The following CHRM3 variants were observed in gnomAD, a reference collection of about 807,000 sequenced individuals.
The protein encoded by CHRM3 is cholinergic receptor muscarinic 3, also known as muscarinic acetylcholine receptor M3.
CHRM3 carries 11 observed loss-of-function variants against 41.8 expected under a neutral mutation model. The observed-to-expected ratio is 0.26, with a 90% confidence interval of 0.17 to 0.44. CHRM3 has a LOEUF of 0.44. Among genes scored for constraint, CHRM3 ranks in the 20% least tolerant of loss-of-function variants. The pLI is 1.00. For synonymous variants in CHRM3, 297 were observed against 301.4 expected, an observed-to-expected ratio of 0.99 and a Z score of 0.15; for missense variants, 571 against 745.4, an observed-to-expected ratio of 0.77 and a Z score of 2.72.
intron 1 of CHRM3, among the ~76,000 whole-genome samples, chr1:239,418,177 G>A (rs1044060687): frequency 2.0e-5 from 3 of 152,190 alleles, no homozygotes; most frequent in African/African-American, 7.2e-5. Context: ...ATAGCATGTG[G>A]CCTTCTGAAG....
intron 5 of CHRM3, among the ~76,000 whole-genome samples, chr1:239,753,454 T>C (rs1176546097): frequency 6.6e-6 from 1 of 152,124 alleles, no homozygotes; most frequent in Non-Finnish European, 1.5e-5. Flanking sequence ...GAAGCCGGTA[T>C]GTATTCACAT....
intron 1 of CHRM3, among the ~76,000 whole-genome samples, chr1:239,467,904 C>G (rs182743756): frequency 7.4e-6 from 1 of 134,680 alleles, no homozygotes; most frequent in African/African-American, 3.2e-5. Context: ...TCCCTACCCC[C>G]CCCCAACGTT....
chr1:239,825,316 T>A (rs990800013), intron 5 of CHRM3, among the ~76,000 whole-genome samples: 1 of 152,224 alleles, frequency 6.6e-6, no homozygotes, highest in African/African-American at 2.4e-5. Flanking sequence ...ATTTCTCAAC[T>A]TTTATGATGA....
At chr1:239,839,451 T>C (rs1234165148) in intron 6 of CHRM3, among the ~76,000 whole-genome samples, 1 of 152,194 alleles carries the variant, frequency 6.6e-6, no homozygotes, top group African/African-American at 2.4e-5. Context: ...TAAATGAAAG[T>C]ATGGGATATA....
At chr1:239,774,189 G>T (rs1446443354) in intron 5 of CHRM3, among the ~76,000 whole-genome samples, 1 of 152,202 alleles carries the variant, frequency 6.6e-6, no homozygotes, top group Non-Finnish European at 1.5e-5. Context: ...TGGTCTGTAT[G>T]CAGGGATTGA....
intron 1 of CHRM3, among the ~76,000 whole-genome samples, chr1:239,417,259 A>G (rs1165097017): frequency 6.6e-6 from 1 of 152,216 alleles, no homozygotes; most frequent in African/African-American, 2.4e-5. Flanking sequence ...ATGAAATGAA[A>G]TTCATAGACT....
chr1:239,816,588 T>C (rs1312092195), intron 5 of CHRM3, among the ~76,000 whole-genome samples: 1 of 152,140 alleles, frequency 6.6e-6, no homozygotes, highest in Non-Finnish European at 1.5e-5. Flanking sequence ...GTCCAGGAAG[T>C]ACCAAGCAAG....
At chr1:239,693,416 G>A (rs1357537403) in intron 5 of CHRM3, among the ~76,000 whole-genome samples, 3 of 152,084 alleles carry the variant, frequency 2.0e-5, no homozygotes, top group Admixed American at 1.3e-4. Flanking sequence ...CATTCTGCAA[G>A]CCAAGGAAGA....
intron 5 of CHRM3, among the ~76,000 whole-genome samples, chr1:239,699,108 A>G (rs1660454558): frequency 6.6e-6 from 1 of 152,088 alleles, no homozygotes. Flanking sequence ...AGTTTTTCTC[A>G]CCATGATTTT....
At chr1:239,572,406 A>G (rs1309575860) in intron 3 of CHRM3, among the ~76,000 whole-genome samples, 1 of 152,216 alleles carries the variant, frequency 6.6e-6, no homozygotes, top group Non-Finnish European at 1.5e-5. Context: ...CATCATTTCT[A>G]GACTGTATGT....
At chr1:239,765,311 G>A (rs1197186573) in intron 5 of CHRM3, among the ~76,000 whole-genome samples, 2 of 152,164 alleles carry the variant, frequency 1.3e-5, no homozygotes, top group East Asian at 3.9e-4. Context: ...CATAGCAAAC[G>A]CTGGGGTCCT....
At chr1:239,776,813 T>C (rs1051372440) in intron 5 of CHRM3, among the ~76,000 whole-genome samples, 1 of 152,120 alleles carries the variant, frequency 6.6e-6, no homozygotes, top group African/African-American at 2.4e-5. Context: ...GAAGCAAACA[T>C]GTCCTTCGTC....
intron 3 of CHRM3, among the ~76,000 whole-genome samples, chr1:239,602,110 G>GTGTATATATATATATATA (rs1307023039): frequency 8.9e-6 from 1 of 112,860 alleles, no homozygotes; most frequent in Non-Finnish European, 1.9e-5. Flanking sequence ...GTGTGTGTGT[G>GTGTATATATATATATATA]TATATATATA....
chr1:239,652,683 G>T (rs1387382054), intron 4 of CHRM3, among the ~76,000 whole-genome samples: 4 of 151,178 alleles, frequency 2.6e-5, no homozygotes, highest in Non-Finnish European at 4.4e-5. Flanking sequence ...TTGCAAATAG[G>T]TGTAATAATC....
At position 239,616,849 on chromosome 1, in the gene CHRM3, A is replaced by T. The variant is rs764384105; in HGVS notation, c.-312-15375A>T. ...TAAATGATGTTATCAGATTTTTAAA[A>T]ATATTCCAAATCCATTAGTCATTGT... On this transcript the variant is annotated intron_variant, in intron 3 of 6. Coordinates refer to ENST00000676153, the MANE Select transcript of CHRM3 (RefSeq NM_001375978.1). Among the ~76,000 whole-genome samples the T allele has an allele frequency of 2.1e-4, 32 of 150,860 alleles. 2 individuals carry two copies. The highest frequency in any genetic ancestry group is 4.4e-4 in the Non-Finnish European group (30 of 67,966).
rs1658549300 is a variant in CHRM3 at position 239,386,862 on chromosome 1, C to T, written c.-886C>T. 1 of 151,920 alleles carries T rather than the reference C, an allele frequency of 6.6e-6. No individual in the cohort carries two copies. The highest frequency in any genetic ancestry group is 2.4e-5 in the African/African-American group (1 of 41,398). 9.4% of individuals were successfully genotyped at this position (151,920 alleles called of 1,614,324 possible). A position where few individuals can be genotyped will look rare whatever the true frequency, so the allele number is the denominator to read the frequency against. ...GGGAGCACAGGGCGCGGGGGCGGCA[C>T]TGCCGAGCCGGGAGCGCTGCCGCTT... On this transcript the variant is annotated 5_prime_UTR_variant, in exon 1 of 7. Coordinates refer to ENST00000676153, the MANE Select transcript of CHRM3 (RefSeq NM_001375978.1).
At chr1:239,574,309 T>A (rs1356646910) in intron 3 of CHRM3, among the ~76,000 whole-genome samples, 1 of 152,146 alleles carries the variant, frequency 6.6e-6, no homozygotes, top group Non-Finnish European at 1.5e-5. Flanking sequence ...GTTTGGATGT[T>A]CATTTCCCAG....
chr1:239,760,782 C>T (rs1417456861), intron 5 of CHRM3, among the ~76,000 whole-genome samples: 7 of 152,096 alleles, frequency 4.6e-5, no homozygotes, highest in African/African-American at 1.4e-4. Flanking sequence ...TTTCTCTGAC[C>T]GCTTTGAAGA....
At chr1:239,898,084 A>T (rs1679165894) in intron 6 of CHRM3, 1 of 152,206 alleles carries the variant, frequency 6.6e-6, no homozygotes, top group African/African-American at 2.4e-5. Flanking sequence ...AATAAGAGCC[A>T]TTGCTCCATA....
Sources: gnomAD v4.1 joint callset for allele counts (sites outside exome capture counted in the v4.1 genomes callset) on GRCh38, gnomAD v4.1.1 for gene constraint, MANE v1.5 for transcripts, NCBI Gene and HGNC (gene_info 2026-07-23, HGNC 2026-07-21) for gene names.